The following RGR variants were observed in gnomAD, a reference collection of about 807,000 sequenced individuals.
RGR encodes retinal G protein coupled receptor.
A neutral mutation model predicts 28.6 loss-of-function variants in RGR; 30 were observed. The observed-to-expected ratio is 1.05, with a 90% CI of 0.78 to 1.42. RGR has a LOEUF of 1.42. RGR is among the 40% of genes most tolerant of loss of function. The pLI, the probability that RGR is intolerant of heterozygous loss-of-function variation, is 0.00. For missense variants in RGR, 404 were observed against 375.6 expected (o/e 1.08, Z -0.62); for synonymous variants, 180 against 156.4 (o/e 1.15, Z -1.13).
chr10:84,247,549 G>A, intron 1 of RGR, 42 bp from the exon 2 acceptor site: 6 of 1,612,814 alleles, frequency 3.7e-6, no homozygotes, highest in Non-Finnish European at 5.1e-6. Flanking sequence ...ACCCCAGCTG[G>A]GCCTCAGCAG....
At chr10:84,249,849 T>C (rs1842793847) in intron 3 of RGR, among the ~76,000 whole-genome samples, 1 of 152,224 alleles carries the variant, frequency 6.6e-6, no homozygotes, top group Non-Finnish European at 1.5e-5. Context: ...ATTGGCCATA[T>C]CAGTGTACAA....
In RGR at chr10:84,245,253, G is replaced by A. The variant is rs912677867; in HGVS notation, c.79+84G>A. Reference sequence around the variant, plus strand: ...CACCAGTGTGGAGCTGGCAAGGAGAGGAGAGGTCCCCAAACCCAGCTGGGT... The same window carrying A: ...CACCAGTGTGGAGCTGGCAAGGAGAAGAGAGGTCCCCAAACCCAGCTGGGT... On this transcript the variant is annotated intron_variant, in intron 1 of 6. Coordinates refer to ENST00000652092, the MANE Select transcript of RGR (RefSeq NM_001012720.2). 5 of 1,420,128 alleles carry A rather than the reference G, an allele frequency of 3.5e-6. No individual in the cohort carries two copies. In the Admixed American group the frequency reaches 7.2e-5, roughly 20 times the overall value. The allele number at this position is 1,420,128 out of a possible 1,614,324, so 88.0% of individuals were successfully genotyped here.
At chr10:84,254,637 C>T (rs916284456) in intron 5 of RGR, among the ~76,000 whole-genome samples, 194 bp downstream of exon 5, 2 of 152,220 alleles carry the variant, frequency 1.3e-5, no homozygotes, top group African/African-American at 2.4e-5. Context: ...GAAGTGAGAT[C>T]AGCACCAGTT....
intron 5 of RGR, 138 bp from the exon 6 acceptor site, chr10:84,257,755 C>G: frequency 1.4e-6 from 1 of 719,032 alleles, no homozygotes; most frequent in Non-Finnish European, 2.5e-6. Flanking sequence ...GTCCCAAGTT[C>G]CCCTGCAGAC....
At chr10:84,248,406 C>T in intron 2 of RGR, 1 of 238,964 alleles carries the variant, frequency 4.2e-6, no homozygotes, top group Non-Finnish European at 8.1e-6. Flanking sequence ...TTGGACACTA[C>T]AGACGGAGGC....
Position 84,259,067 on chromosome 10 carries a change from C to A in RGR, c.*428C>A, listed in dbSNP as rs1842923922. ...TTCTGAGTCTCCAATGTCTATTATT[C>A]CACACTCCATGTCCACGTGTACACA... is the stretch of plus-strand genomic sequence containing the variant. On this transcript the variant is annotated 3_prime_UTR_variant, in exon 7 of 7. Coordinates refer to ENST00000652092, the MANE Select transcript of RGR (RefSeq NM_001012720.2). 2 of 267,716 alleles carry A rather than the reference C, an allele frequency of 7.5e-6. No homozygotes were observed. Among genetic ancestry groups the A allele is most frequent in the Non-Finnish European group, 1.5e-5 (2 of 135,744 alleles). 16.6% of individuals were successfully genotyped at this position (267,716 alleles called of 1,614,324 possible).
rs558426089 is a variant in RGR at position 84,258,670 on chromosome 10, G to C, written c.*31G>C. On this transcript the variant is annotated 3_prime_UTR_variant, in exon 7 of 7. Transcript: ENST00000652092. ...CCACCCTGGAGTGAGCCCCAGGCCA[G>C]GAGGCTGTTCCAGGAGTCCTGCCCA... 3 of 1,613,574 alleles carry C rather than the reference G, an allele frequency of 1.9e-6. No homozygotes were observed. The South Asian group carries it at 3.3e-5, about 18-fold the overall frequency.
At chr10:84,253,722 G>A (rs1047403702) in intron 4 of RGR, among the ~76,000 whole-genome samples, 3 of 152,160 alleles carry the variant, frequency 2.0e-5, no homozygotes, top group Non-Finnish European at 2.9e-5. Context: ...TCTTGAGAAC[G>A]CTGGGCCTGG....
At chr10:84,249,129 C>T (rs1332782088) in intron 3 of RGR, 86 bp downstream of exon 3, 8 of 1,573,668 alleles carry the variant, frequency 5.1e-6, no homozygotes, top group Non-Finnish European at 7.0e-6. Flanking sequence ...TAACTAGCTA[C>T]TGCTCCGTGT....
intron 3 of RGR, chr10:84,250,818 G>C: frequency 6.0e-6 from 1 of 166,746 alleles, no homozygotes; most frequent in Non-Finnish European, 1.3e-5. Context: ...TGCCCACAGA[G>C]AATTGTTTGA....
intron 5 of RGR, among the ~76,000 whole-genome samples, chr10:84,256,814 C>T (rs80176312): frequency 0.017 from 2,538 of 152,234 alleles, 79 homozygotes; most frequent in African/African-American, 0.059. Context: ...TCTGCGTTGA[C>T]TTTAAACCAT....
At position 84,257,774 on chromosome 10, in the gene RGR, C is replaced by T. The variant is rs138238538; in HGVS notation, c.631-119C>T. ...CAAGTTCCCCTGCAGACTCAGCCCCCTCCTGAAGCCTGGTCCATGCTGCCC... is the reference window on the plus strand; with the variant it reads ...CAAGTTCCCCTGCAGACTCAGCCCCTTCCTGAAGCCTGGTCCATGCTGCCC... On this transcript the variant is annotated intron_variant, in intron 5 of 6. Transcript: ENST00000652092. 1.9e-4 allele frequency: 145 copies of T among 781,294 alleles called. No individual in the cohort carries two copies. The African/African-American group carries it at 2.0e-3, about 11-fold the overall frequency. The allele number at this position is 781,294 out of a possible 1,614,324, so 48.4% of individuals were successfully genotyped here. A position where few individuals can be genotyped will look rare whatever the true frequency, so the allele number is the denominator to read the frequency against.
intron 3 of RGR, chr10:84,250,668 G>A (rs1399204035): frequency 3.8e-6 from 2 of 521,994 alleles, no homozygotes; most frequent in South Asian, 5.4e-5. Flanking sequence ...AGAGCAGTGT[G>A]AAGGCAGGCA....
rs372173241 is a variant in RGR, at chr10:84,254,428, G to A, written c.615G>A (p.Lys205=). Residue 205 remains lysine, a synonymous_variant, in exon 5 of 7, where the codon AAG becomes AAA. Transcript: ENST00000652092. ...SYSLMEQKLG[K]SGHLQVNTTL... is the part of the protein sequence containing the mutation. ...GTCTCATGGAGCAGAAACTGGGGAAGAGTGGCCATCTCCAGGTAAGGACCC... is the reference window on the plus strand; with the variant it reads ...GTCTCATGGAGCAGAAACTGGGGAAAAGTGGCCATCTCCAGGTAAGGACCC... The A allele has an allele frequency of 1.2e-6, 2 of 1,613,990 alleles. No homozygotes were observed. Among genetic ancestry groups the A allele is most frequent in the Non-Finnish European group, 1.7e-6 (2 of 1,179,970 alleles).
intron 4 of RGR, 21 bp from the exon 5 acceptor site, chr10:84,254,302 ATCC>A: frequency 6.2e-7 from 1 of 1,605,754 alleles, no homozygotes; most frequent in Non-Finnish European, 8.5e-7. Context: ...GCTAACCCCA[ATCC>A]TCCACCCGCT....
At chr10:84,248,627 C>T in intron 2 of RGR, 1 of 521,526 alleles carries the variant, frequency 1.9e-6, no homozygotes, top group South Asian at 2.3e-5. Context: ...GTTTCCCCAC[C>T]TATCAAATAC....
intron 3 of RGR, chr10:84,250,688 G>A (rs1050026238): frequency 1.3e-5 from 6 of 479,772 alleles, no homozygotes; most frequent in Middle Eastern, 5.4e-4. Context: ...AAAGGGGAAT[G>A]AGGAGGTCTG....
chr10:84,254,543 A>G (rs1226439475), intron 5 of RGR, 100 bp downstream of exon 5: 3 of 1,000,600 alleles, frequency 3.0e-6, no homozygotes, highest in Non-Finnish European at 4.8e-6. Flanking sequence ...CAAACAGCAA[A>G]ACAAATATTC....
intron 2 of RGR, chr10:84,247,968 A>C: frequency 1.4e-6 from 1 of 702,198 alleles, no homozygotes; most frequent in East Asian, 2.8e-5. Flanking sequence ...AAGAGATGGT[A>C]GGCTGTAGAG....
Sources: gnomAD v4.1 joint callset for allele counts (sites outside exome capture counted in the v4.1 genomes callset) on GRCh38, gnomAD v4.1.1 for gene constraint, MANE v1.5 for transcripts, NCBI Gene and HGNC (gene_info 2026-07-23, HGNC 2026-07-21) for gene names.